BPNT2: variants seen among roughly 807,000 people sequenced by gnomAD.
The protein encoded by BPNT2 is 3'(2'), 5'-bisphosphate nucleotidase 2.
In BPNT2, 11 loss-of-function variants were observed where a neutral mutation model predicts 29.3. The observed-to-expected ratio is 0.38, with a 90% confidence interval of 0.24 to 0.62. The LOEUF (loss-of-function observed/expected upper bound fraction) is 0.62, where lower values mean the gene tolerates loss of function less well. Ranked by LOEUF, BPNT2 falls within the 20% of genes least tolerant of loss-of-function variation. The pLI is 0.62. For missense variants in BPNT2, 459 were observed against 473.4 expected, an observed-to-expected ratio of 0.97 and a Z score of 0.28; for synonymous variants, 195 against 187.7, an observed-to-expected ratio of 1.04 and a Z score of -0.32.
intron 3 of BPNT2, 139 bp from the exon 4 acceptor site, chr8:56,966,491 G>A (rs935399605): frequency 1.3e-6 from 1 of 748,562 alleles, no homozygotes; most frequent in Non-Finnish European, 2.2e-6. Context: ...CCCCAAAACA[G>A]AAAGCTTTTT....
rs1020383261 is a variant in BPNT2, at chr8:56,959,643, A to G, written c.*4150T>C. The G allele has an allele frequency of 2.0e-5, 3 of 152,174 alleles. No homozygotes were observed. Among genetic ancestry groups the G allele is most frequent in the African/African-American group, 7.2e-5 (3 of 41,410 alleles). The allele number at this position is 152,174 out of a possible 1,614,324, so 9.4% of individuals were successfully genotyped here. On this transcript the variant is annotated 3_prime_UTR_variant, in exon 5 of 5. Coordinates refer to ENST00000262644, the MANE Select transcript of BPNT2 (RefSeq NM_017813.5). ...TAAAACTGTGATCTATCCTGGTCTA[A>G]TATTATTAAAATTAAAAATCAAAAG...
intron 1 of BPNT2, among the ~76,000 whole-genome samples, chr8:56,989,497 T>C (rs1235816075): frequency 6.6e-6 from 1 of 152,180 alleles, no homozygotes; most frequent in Non-Finnish European, 1.5e-5. Context: ...GAAGATAAAA[T>C]TAATAATGTC....
chr8:56,971,117 CATTT>C lies in BPNT2; in HGVS notation c.647-4769_647-4766del, dbSNP rs1455270007. 5.3e-5 allele frequency among the ~76,000 whole-genome samples: 8 copies of C among 152,120 alleles called. No homozygotes were observed. In the South Asian group the frequency reaches 1.5e-3, roughly 28 times the overall value. On this transcript the variant is annotated intron_variant, in intron 3 of 4. Coordinates refer to ENST00000262644, the MANE Select transcript of BPNT2 (RefSeq NM_017813.5). ...TTCTTCATGTTACATAAACTCAATA[CATTT>C]ATTAGTAACACTTACATGAACATAA... is the stretch of plus-strand genomic sequence containing the variant.
rs1207958863 is a variant in BPNT2 at position 56,980,052 on chromosome 8, G to T, written c.533C>A (p.Ala178Asp). 6.2e-7 allele frequency: 1 copy of T among 1,613,800 alleles called. No individual in the cohort carries two copies. The highest frequency in any genetic ancestry group is 1.7e-5 in the Admixed American group (1 of 59,994). The change falls in exon 2 of 5, where the codon GCT becomes GAT. Residue 178 changes from alanine (A) to aspartate (D), a missense_variant. By Grantham distance (126) the Ala-to-Asp change is moderately radical. Coordinates refer to ENST00000262644, the MANE Select transcript of BPNT2 (RefSeq NM_017813.5). ...SVTVWIDPLD[A>D]TQEYTEDLRK... The stretch of plus-strand genomic sequence containing the variant: ...AAAATTACCTGTATATTCCTGTGTA[G>T]CATCAAGTGGGTCAATCCAGACAGT...
chr8:56,966,301 T>C lies in BPNT2; in HGVS notation c.698A>G (p.Asn233Ser), dbSNP rs1406787822. ...CACAACGATCCTTGGGGTCTTCTCA[T>C]TGTAGGAAGAGCGGGCTTTCACATT... ...GSNVKARSSYNEKTPRIVVSR... is the reference protein window; with the variant it reads ...GSNVKARSSYSEKTPRIVVSR... Residue 233 changes from asparagine to serine, a missense_variant, in exon 4 of 5, where the codon AAT (asparagine) becomes AGT (serine). Coordinates refer to ENST00000262644, the MANE Select transcript of BPNT2 (RefSeq NM_017813.5). 57 of 1,613,926 alleles carry C rather than the reference T, an allele frequency of 3.5e-5. No individual in the cohort carries two copies. Among genetic ancestry groups the C allele is most frequent in the Non-Finnish European group, 4.3e-5 (51 of 1,179,930 alleles).
chr8:56,992,550 GTAA>G (rs1806434589), intron 1 of BPNT2, among the ~76,000 whole-genome samples: 1 of 152,126 alleles, frequency 6.6e-6, no homozygotes, highest in Admixed American at 6.5e-5. Context: ...ATTCTCTGGA[GTAA>G]ATATGGATCT....
At chr8:56,966,418 G>A in intron 3 of BPNT2, 66 bp from the exon 4 acceptor site, 1 of 1,378,824 alleles carries the variant, frequency 7.3e-7, no homozygotes, top group Non-Finnish European at 1.0e-6. Context: ...ATATTCTTCA[G>A]AACCCAAAGT....
chr8:56,984,856 A>C lies in BPNT2; in HGVS notation c.388-4659T>G, dbSNP rs188308993. Among the ~76,000 whole-genome samples the C allele has an allele frequency of 6.6e-5, 10 of 152,254 alleles. No homozygotes were observed. In the East Asian group the frequency reaches 1.9e-3, roughly 30 times the overall value. The stretch of plus-strand genomic sequence containing the variant: ...AGATGATCTGGGTAATGACAGCAGT[A>C]AGTGCTATCCCGTAATCTCTCTCTT... On this transcript the variant is annotated intron_variant, in intron 1 of 4. Transcript: ENST00000262644.
intron 1 of BPNT2, among the ~76,000 whole-genome samples, chr8:56,991,865 T>TA (rs762071126): frequency 4.0e-4 from 61 of 152,198 alleles, no homozygotes; most frequent in Admixed American, 4.6e-4. Flanking sequence ...AAACACACCT[T>TA]ACATCTAGAT....
At chr8:56,970,974 TTACAG>T (rs1318463329) in intron 3 of BPNT2, among the ~76,000 whole-genome samples, 1 of 152,146 alleles carries the variant, frequency 6.6e-6, no homozygotes, top group Admixed American at 6.5e-5. Flanking sequence ...AGAAGTGAAT[TTACAG>T]TGCTTTATCT....
At position 56,993,322 on chromosome 8, in the gene BPNT2, G is replaced by C. The variant is rs1325369677; in HGVS notation, c.264C>G (p.Asn88Lys). ...TCCCCTTGGACTTCTCGTGGAGGAC[G>C]TTGCTCTCGCGGACGCGCCTCACCT... ...GDEVRRVRES[N>K]VLHEKSKGKT... is the part of the protein sequence containing the mutation. Residue 88 changes from asparagine to lysine, a missense_variant, in exon 1 of 5, where the codon AAC (asparagine) becomes AAG (lysine). Physicochemically the swap from Asn to Lys is moderately conservative, Grantham distance 94. Transcript: ENST00000262644. The C allele has an allele frequency of 6.2e-7, 1 of 1,611,778 alleles. No homozygotes were observed. Among genetic ancestry groups the C allele is most frequent in the Non-Finnish European group, 8.5e-7 (1 of 1,179,948 alleles).
intron 2 of BPNT2, 29 bp from the exon 3 acceptor site, chr8:56,978,174 ACAAATGT>A (rs1806177552): frequency 1.5e-5 from 20 of 1,332,446 alleles, no homozygotes; most frequent in Non-Finnish European, 2.2e-5. Flanking sequence ...AACAACACAC[ACAAATGT>A]CAAAGTAATG....
Position 56,958,474 on chromosome 8 carries a change from G to A in BPNT2, c.*5319C>T, listed in dbSNP as rs1476484005. ...AGGTCATAACACGCTAAGTAAACTGGTGTCTAAGCATGTGACGGCAACAGC... is the reference window on the plus strand; with the variant it reads ...AGGTCATAACACGCTAAGTAAACTGATGTCTAAGCATGTGACGGCAACAGC... On this transcript the variant is annotated 3_prime_UTR_variant, in exon 5 of 5. Transcript: ENST00000262644. 2 of 152,176 alleles carry A rather than the reference G, an allele frequency of 1.3e-5. No homozygotes were observed. The highest frequency in any genetic ancestry group is 2.9e-5 in the Non-Finnish European group (2 of 68,038). The allele number at this position is 152,176 out of a possible 1,614,324, so 9.4% of individuals were successfully genotyped here. A position where few individuals can be genotyped will look rare whatever the true frequency, so the allele number is the denominator to read the frequency against.
rs148820865 is a variant in BPNT2 at position 56,993,250 on chromosome 8, C to T, written c.336G>A (p.Leu112=). 264 of 1,608,538 alleles carry T rather than the reference C, an allele frequency of 1.6e-4. 1 individual carries two copies. Among genetic ancestry groups the T allele is most frequent in the Non-Finnish European group, 2.2e-4 (257 of 1,179,862 alleles). The change falls in exon 1 of 5, where the codon CTG becomes CTA. Residue 112 remains leucine, a synonymous_variant. Coordinates refer to ENST00000262644, the MANE Select transcript of BPNT2 (RefSeq NM_017813.5). ...GCAGGTAGAACATCTTGCGGTTGGA[C>T]AGCACGTCGCCGCTGGTCATCTTGT... The part of the protein sequence containing the change: ...AEDKMTSGDV[L]SNRKMFYLLK...
At chr8:56,969,144 C>T (rs1805993992) in intron 3 of BPNT2, among the ~76,000 whole-genome samples, 1 of 152,182 alleles carries the variant, frequency 6.6e-6, no homozygotes, top group African/African-American at 2.4e-5. Flanking sequence ...CTCCTTGATA[C>T]CAGACTTCTG....
chr8:56,981,037 T>C (rs1806233333), intron 1 of BPNT2, among the ~76,000 whole-genome samples: 1 of 152,092 alleles, frequency 6.6e-6, no homozygotes, highest in Non-Finnish European at 1.5e-5. Context: ...TTGGACTGTA[T>C]AATTCCTTGT....
intron 4 of BPNT2, 70 bp downstream of exon 4, chr8:56,966,121 T>C: frequency 6.5e-7 from 1 of 1,537,824 alleles, no homozygotes; most frequent in African/African-American, 1.4e-5. Context: ...GACAAGCAAA[T>C]TAGTCTCCTA....
chr8:56,977,854 G>A (rs779068825), intron 3 of BPNT2, among the ~76,000 whole-genome samples, 196 bp downstream of exon 3: 9 of 152,124 alleles, frequency 5.9e-5, no homozygotes, highest in African/African-American at 1.7e-4. Context: ...TCAGCACCAC[G>A]ATTTTAGATT....
chr8:56,965,211 C>T (rs377212810), intron 4 of BPNT2, among the ~76,000 whole-genome samples: 6 of 151,902 alleles, frequency 3.9e-5, no homozygotes, highest in African/African-American at 1.2e-4. Flanking sequence ...CCCAGCTACT[C>T]GGGAGGCTGA....
Sources: gnomAD v4.1 joint callset for allele counts (sites outside exome capture counted in the v4.1 genomes callset) on GRCh38, gnomAD v4.1.1 for gene constraint, MANE v1.5 for transcripts, NCBI Gene and HGNC (gene_info 2026-07-23, HGNC 2026-07-21) for gene names.